The following ATP6V1B2 variants were observed in gnomAD, a reference collection of about 807,000 sequenced individuals.
The protein encoded by ATP6V1B2 is ATPase H+ transporting V1 subunit B2.
In ATP6V1B2, 23 loss-of-function variants were observed where a neutral mutation model predicts 66.7. The observed-to-expected ratio is 0.34, with a 90% confidence interval of 0.25 to 0.49. The LOEUF (loss-of-function observed/expected upper bound fraction) is 0.49. Ranked by LOEUF, ATP6V1B2 falls within the 20% of genes least tolerant of loss-of-function variation. The probability of loss-of-function intolerance (pLI) is 0.99; values close to 1 mark genes in which losing one functional copy is unlikely to be tolerated. For synonymous variants in ATP6V1B2, 278 were observed against 236.7 expected, an observed-to-expected ratio of 1.17 and a Z score of -1.60; for missense variants, 478 against 650.8, an observed-to-expected ratio of 0.73 and a Z score of 2.89.
At chr8:20,218,072 A>G in intron 12 of ATP6V1B2, 81 bp from the exon 13 acceptor site, 2 of 1,523,422 alleles carry the variant, frequency 1.3e-6, no homozygotes, top group Non-Finnish European at 8.8e-7. Flanking sequence ...GAGGAGAACT[A>G]GAGCAGTACA....
intron 1 of ATP6V1B2, chr8:20,203,962 A>G (rs547956505): frequency 6.7e-4 from 305 of 455,706 alleles, no homozygotes; most frequent in Non-Finnish European, 1.0e-3. Flanking sequence ...CTTGCAGGCT[A>G]TACAATTTCT....
intron 12 of ATP6V1B2, among the ~76,000 whole-genome samples, chr8:20,217,891 A>C (rs1241299208): frequency 6.6e-6 from 1 of 152,142 alleles, no homozygotes; most frequent in African/African-American, 2.4e-5. Flanking sequence ...GTGCTCTATA[A>C]ATTTTGAGCT....
At chr8:20,217,935 A>G (rs1482978384) in intron 12 of ATP6V1B2, among the ~76,000 whole-genome samples, 1 of 152,196 alleles carries the variant, frequency 6.6e-6, no homozygotes, top group Non-Finnish European at 1.5e-5. Context: ...CGTTTTGTAG[A>G]ACATTAGGAG....
In ATP6V1B2 at chr8:20,197,405, A is replaced by C. The variant is rs2072637928; in HGVS notation, c.-2A>C. Reference sequence around the variant, plus strand: ...TGGGCCAGTCGGGACAGAGGAGACAAGATGGCGCTGCGGGCGATGCGGGGG... The same window carrying C: ...TGGGCCAGTCGGGACAGAGGAGACACGATGGCGCTGCGGGCGATGCGGGGG... On this transcript the variant is annotated 5_prime_UTR_variant, in exon 1 of 14. Coordinates refer to ENST00000276390, the MANE Select transcript of ATP6V1B2 (RefSeq NM_001693.4). 6.5e-7 allele frequency: 1 copy of C among 1,539,996 alleles called. No individual in the cohort carries two copies.
chr8:20,221,438 G>A lies in ATP6V1B2; in HGVS notation c.*1036G>A, dbSNP rs906187700. The stretch of plus-strand genomic sequence containing the variant: ...AAGCTTTAGAGTTTTCTGAATTCCT[G>A]CGCCTTCCTGACGTGAGCCCTGAGC... On this transcript the variant is annotated 3_prime_UTR_variant, in exon 14 of 14. Coordinates refer to ENST00000276390, the MANE Select transcript of ATP6V1B2 (RefSeq NM_001693.4). The A allele has an allele frequency of 6.6e-6, 1 of 152,548 alleles. No homozygotes were observed. The allele number at this position is 152,548 out of a possible 1,614,324, so 9.4% of individuals were successfully genotyped here.
chr8:20,215,438 T>A (rs1160555292), intron 10 of ATP6V1B2: 4 of 152,926 alleles, frequency 2.6e-5, no homozygotes. Flanking sequence ...CCAATGCCTG[T>A]CTGTGTGTGT....
At chr8:20,214,133 C>G (rs2072825903) in intron 9 of ATP6V1B2, 3 of 152,164 alleles carry the variant, frequency 2.0e-5, no homozygotes, top group Admixed American at 2.0e-4. Flanking sequence ...CAGAGTAGCA[C>G]TTAGAAGTTG....
intron 2 of ATP6V1B2, among the ~76,000 whole-genome samples, chr8:20,206,259 T>C (rs943501965): frequency 6.6e-6 from 1 of 152,180 alleles, no homozygotes; most frequent in African/African-American, 2.4e-5. Context: ...GGAACACCTA[T>C]TGGATGCCCT....
Position 20,220,555 on chromosome 8 carries a change from C to T in ATP6V1B2, c.*153C>T. The T allele has an allele frequency of 8.7e-7, 1 of 1,151,148 alleles. No individual in the cohort carries two copies. 71.3% of individuals were successfully genotyped at this position (1,151,148 alleles called of 1,614,324 possible). On this transcript the variant is annotated 3_prime_UTR_variant, in exon 14 of 14. Coordinates refer to ENST00000276390, the MANE Select transcript of ATP6V1B2 (RefSeq NM_001693.4). ...TAGGTAACATATTGTGCCAGTGTTG[C>T]AACGTTTTAAACTGCTAACAGACCT...
chr8:20,204,679 A>G (rs192525820), intron 2 of ATP6V1B2, 140 bp downstream of exon 2: 652 of 622,846 alleles, frequency 1.0e-3, no homozygotes, highest in Middle Eastern at 0.01. Context: ...CCCAGATACC[A>G]TGATACCCTG....
intron 10 of ATP6V1B2, 36 bp downstream of exon 10, chr8:20,215,004 C>A: frequency 6.3e-7 from 1 of 1,597,462 alleles, no homozygotes; most frequent in East Asian, 2.2e-5. Context: ...CACACCTAAT[C>A]ATTTTAAAGA....
chr8:20,209,034 C>T (rs931718369), intron 2 of ATP6V1B2, among the ~76,000 whole-genome samples: 7 of 152,116 alleles, frequency 4.6e-5, no homozygotes, highest in Non-Finnish European at 8.8e-5. Flanking sequence ...TATTCTTCCC[C>T]TGTCAACCAC....
chr8:20,216,306 C>A, intron 10 of ATP6V1B2, 107 bp from the exon 11 acceptor site: 1 of 809,078 alleles, frequency 1.2e-6, no homozygotes, highest in Non-Finnish European at 2.0e-6. Context: ...AGTAATGTTA[C>A]AGGTAGTACA....
In ATP6V1B2 at chr8:20,216,311, A is replaced by G; in HGVS notation, c.1079-102A>G. ...CACTCTTCTAAGTAATGTTACAGGT[A>G]GTACAGAGGGACTTTTTGTGGGTTT... On this transcript the variant is annotated intron_variant, in intron 10 of 13. Coordinates refer to ENST00000276390, the MANE Select transcript of ATP6V1B2 (RefSeq NM_001693.4). The G allele has an allele frequency of 3.4e-6, 3 of 873,800 alleles. No homozygotes were observed. The East Asian group carries it at 7.5e-5, about 22-fold the overall frequency. 54.1% of individuals were successfully genotyped at this position (873,800 alleles called of 1,614,324 possible). A position where few individuals can be genotyped will look rare whatever the true frequency, so the allele number is the denominator to read the frequency against.
chr8:20,202,728 A>G (rs2072699991), intron 1 of ATP6V1B2, among the ~76,000 whole-genome samples: 1 of 152,226 alleles, frequency 6.6e-6, no homozygotes, highest in African/African-American at 2.4e-5. Flanking sequence ...AAGGAGATAC[A>G]ATCTTGTTGA....
At chr8:20,203,772 T>C (rs2128884827) in intron 1 of ATP6V1B2, among the ~76,000 whole-genome samples, 1 of 152,294 alleles carries the variant, frequency 6.6e-6, no homozygotes, top group East Asian at 1.9e-4. Context: ...TGTTTATTCC[T>C]AGGGCGCACT....
At position 20,216,580 on chromosome 8, in the gene ATP6V1B2, G is replaced by A. The variant is rs147694687; in HGVS notation, c.1161+85G>A. ...GACTTGGATTTTGCTCTTAGGAATT[G>A]CTTTGCTTAGAAAGTATCAACTTGA... On this transcript the variant is annotated intron_variant, in intron 11 of 13. Coordinates refer to ENST00000276390, the MANE Select transcript of ATP6V1B2 (RefSeq NM_001693.4). 4.9e-4 allele frequency: 631 copies of A among 1,277,468 alleles called. 3 individuals are homozygous for A. The African/African-American group carries it at 8.5e-3, about 17-fold the overall frequency. 79.1% of individuals were successfully genotyped at this position (1,277,468 alleles called of 1,614,324 possible).
In ATP6V1B2 at chr8:20,221,467, C is replaced by A. The variant is rs965332536; in HGVS notation, c.*1065C>A. ...CTTCCTGACGTGAGCCCTGAGCGAT[C>A]TTCTATGCAGTTCTGCCATGCGTCC... On this transcript the variant is annotated 3_prime_UTR_variant, in exon 14 of 14. Coordinates refer to ENST00000276390, the MANE Select transcript of ATP6V1B2 (RefSeq NM_001693.4). The A allele has an allele frequency of 1.3e-5, 2 of 152,584 alleles. No individual in the cohort carries two copies. The highest frequency in any genetic ancestry group is 6.5e-5 in the Admixed American group (1 of 15,270). 9.5% of individuals were successfully genotyped at this position (152,584 alleles called of 1,614,324 possible).
Position 20,211,840 on chromosome 8 carries a change from A to G in ATP6V1B2, c.705+87A>G, listed in dbSNP as rs572132909. Reference sequence around the variant, plus strand: ...TAGTAAGCTGTACATATATAGTTGAATTTTTCTTTAGGTAAAGAATTTGCA... The same window carrying G: ...TAGTAAGCTGTACATATATAGTTGAGTTTTTCTTTAGGTAAAGAATTTGCA... On this transcript the variant is annotated intron_variant, in intron 7 of 13. Coordinates refer to ENST00000276390, the MANE Select transcript of ATP6V1B2 (RefSeq NM_001693.4). 34 of 1,117,208 alleles carry G rather than the reference A, an allele frequency of 3.0e-5. No individual in the cohort carries two copies. In the African/African-American group the frequency reaches 5.1e-4, roughly 17 times the overall value. 69.2% of individuals were successfully genotyped at this position (1,117,208 alleles called of 1,614,324 possible).
Sources: allele counts gnomAD v4.1 joint callset (sites outside exome capture counted in the v4.1 genomes callset), GRCh38; gene constraint gnomAD v4.1.1; transcripts MANE v1.5; gene names NCBI Gene and HGNC (gene_info 2026-07-23, HGNC 2026-07-21).